Variants in PIEZO2 observed in about 807,000 individuals in gnomAD.
The protein encoded by PIEZO2 is piezo-type mechanosensitive ion channel component 2.
A neutral mutation model predicts 337.3 loss-of-function variants in PIEZO2; 172 were observed. The ratio of observed to expected loss-of-function variants is 0.51; its 90% CI spans 0.45 to 0.58. The LOEUF (loss-of-function observed/expected upper bound fraction) is 0.58. Ranked by LOEUF, PIEZO2 falls within the 20% of genes least tolerant of loss-of-function variation. The probability of loss-of-function intolerance (pLI) is 0.00; values close to 1 mark genes in which losing one functional copy is unlikely to be tolerated. For synonymous variants in PIEZO2, 1,251 were observed against 1,228.5 expected, an observed-to-expected ratio of 1.02 and a Z score of -0.38; for missense variants, 3,028 against 3,391.3, an observed-to-expected ratio of 0.89 and a Z score of 2.66.
chr18:10,885,407 G>A (rs548924138), intron 4 of PIEZO2, among the ~76,000 whole-genome samples: 3 of 152,150 alleles, frequency 2.0e-5, no homozygotes, highest in Non-Finnish European at 4.4e-5. Flanking sequence ...CTGGACGACA[G>A]AGCGAGACTC....
intron 1 of PIEZO2, among the ~76,000 whole-genome samples, chr18:11,086,352 C>T (rs1294473706): frequency 6.6e-6 from 1 of 151,898 alleles, no homozygotes; most frequent in Non-Finnish European, 1.5e-5. Context: ...AACCCCGTCT[C>T]GACTAAAAAT....
chr18:10,912,719 T>C (rs1227353906), intron 3 of PIEZO2, among the ~76,000 whole-genome samples: 2 of 152,216 alleles, frequency 1.3e-5, no homozygotes, highest in Admixed American at 6.5e-5. Context: ...CCAGGGCCAA[T>C]TCTCTGGACT....
Position 10,696,197 on chromosome 18 carries a change from G to T in PIEZO2, c.7067C>A (p.Thr2356Asn), listed in dbSNP as rs778860783. 6.2e-7 allele frequency: 1 copy of T among 1,614,010 alleles called. No individual in the cohort carries two copies. Among genetic ancestry groups the T allele is most frequent in the Non-Finnish European group, 8.5e-7 (1 of 1,179,838 alleles). Residue 2356 changes from threonine (T) to asparagine (N), a missense_variant, in exon 47 of 56, where the codon ACC becomes AAC. Around this residue, in one of 5 missense-constraint regions of PIEZO2, gnomAD observed 179 missense variants for 281.8 expected, o/e 0.64. Coordinates refer to ENST00000674853, the MANE Select transcript of PIEZO2 (RefSeq NM_001378183.1). ...GTAGAGGGCTCGGTCCACCACCATG[G>T]TTCCAAACTGAATGAGGACCATCAC... ...FLVMVLIQFG[T>N]MVVDRALYLR...
intron 4 of PIEZO2, among the ~76,000 whole-genome samples, chr18:10,889,744 T>G (rs1295234244): frequency 6.6e-6 from 1 of 152,176 alleles, no homozygotes; most frequent in African/African-American, 2.4e-5. Flanking sequence ...CAAGGAGGTG[T>G]CAGGTAGGGT....
Position 10,888,764 on chromosome 18 carries a change from T to A in PIEZO2, c.330-17349A>T, listed in dbSNP as rs1039681457. On this transcript the variant is annotated intron_variant, in intron 4 of 55. Transcript: ENST00000674853. The surrounding 1 kb of genome is among the most constrained non-coding windows in gnomAD (Gnocchi z 4.1). The stretch of plus-strand genomic sequence containing the variant: ...TTAATATATTTAGTTAAGTTCCCCA[T>A]CAGTGATTTGTTTAATGTAACTAAT... Among the ~76,000 whole-genome samples the A allele has an allele frequency of 4.6e-5, 7 of 151,940 alleles. No individual in the cohort carries two copies. The highest frequency in any genetic ancestry group is 8.8e-5 in the Non-Finnish European group (6 of 67,956).
intron 3 of PIEZO2, among the ~76,000 whole-genome samples, chr18:10,960,033 A>C (rs948590748): frequency 1.3e-5 from 2 of 152,162 alleles, no homozygotes; most frequent in Admixed American, 6.5e-5. Flanking sequence ...TATTTGTACA[A>C]GTCCACAAAT....
chr18:11,113,396 G>T (rs1228896890), intron 1 of PIEZO2, among the ~76,000 whole-genome samples: 1 of 152,120 alleles, frequency 6.6e-6, no homozygotes, highest in African/African-American at 2.4e-5. Flanking sequence ...CTTTAATCAG[G>T]ACCTTGACTC....
intron 11 of PIEZO2, among the ~76,000 whole-genome samples, chr18:10,799,622 C>A (rs188073334): frequency 2.0e-4 from 30 of 152,212 alleles, no homozygotes; most frequent in African/African-American, 7.0e-4. Context: ...AGACAAAAAG[C>A]CTTGCAAAAG....
intron 2 of PIEZO2, among the ~76,000 whole-genome samples, chr18:11,044,186 AATATAAT>A (rs543276046): frequency 6.0e-5 from 9 of 149,504 alleles, no homozygotes; most frequent in African/African-American, 2.2e-4. Context: ...CACACACACT[AATATAAT>A]ATATATTATA....
At position 11,116,588 on chromosome 18, in the gene PIEZO2, G is replaced by C. The variant is rs960936991; in HGVS notation, c.64+31937C>G. On this transcript the variant is annotated intron_variant, in intron 1 of 55. Transcript: ENST00000674853. The surrounding 1 kb of genome is among the most constrained non-coding windows in gnomAD (Gnocchi z 5.0). Reference sequence around the variant, plus strand: ...AAATTAGCCGGGCGTGGTGGCGGGGGGCCTGTAGTCCCAGCTACTCGGGAG... The same window carrying C: ...AAATTAGCCGGGCGTGGTGGCGGGGCGCCTGTAGTCCCAGCTACTCGGGAG... Among the ~76,000 whole-genome samples the C allele has an allele frequency of 4.5e-3, 683 of 152,010 alleles. 3 individuals carry two copies. The highest frequency in any genetic ancestry group is 0.015 in the African/African-American group (637 of 41,478).
intron 3 of PIEZO2, among the ~76,000 whole-genome samples, chr18:10,976,626 CA>C (rs997176850): frequency 6.6e-6 from 1 of 151,054 alleles, no homozygotes; most frequent in African/African-American, 2.4e-5. Flanking sequence ...CTGGGGATAG[CA>C]AAAAAAAGGA....
intron 12 of PIEZO2, among the ~76,000 whole-genome samples, chr18:10,796,888 A>G (rs2039618402): frequency 6.6e-6 from 1 of 152,336 alleles, no homozygotes; most frequent in East Asian, 1.9e-4. Flanking sequence ...CCATCATATC[A>G]TACATACCAT....
chr18:10,972,202 G>GAA (rs2034271531), intron 3 of PIEZO2, among the ~76,000 whole-genome samples: 5 of 149,196 alleles, frequency 3.4e-5, no homozygotes, highest in Non-Finnish European at 3.0e-5. Context: ...GAGAGAGAGA[G>GAA]ATAATAGCAG....
At position 11,140,957 on chromosome 18, in the gene PIEZO2, A is replaced by G. The variant is rs62085275; in HGVS notation, c.64+7568T>C. Among the ~76,000 whole-genome samples the G allele has an allele frequency of 7.5e-3, 1,137 of 152,298 alleles. 10 individuals are homozygous for G. The highest frequency in any genetic ancestry group is 0.013 in the Non-Finnish European group (864 of 68,028). On this transcript the variant is annotated intron_variant, in intron 1 of 55. Coordinates refer to ENST00000674853, the MANE Select transcript of PIEZO2 (RefSeq NM_001378183.1). Reference sequence around the variant, plus strand: ...ACCTCCAGCCTTCAGCTTGATGTGGACATGGTAACAGGCTGTCTTGACCCA... The same window carrying G: ...ACCTCCAGCCTTCAGCTTGATGTGGGCATGGTAACAGGCTGTCTTGACCCA...
At chr18:10,906,893 C>A (rs2029990594) in intron 4 of PIEZO2, among the ~76,000 whole-genome samples, 2 of 152,046 alleles carry the variant, frequency 1.3e-5, no homozygotes, top group African/African-American at 2.4e-5. Flanking sequence ...CTTTTGTCGC[C>A]TTCCTGAGCC....
At position 10,713,496 on chromosome 18, in the gene PIEZO2, C is replaced by G. The variant is rs16975286; in HGVS notation, c.5423+1268G>C. 7.3e-3 allele frequency among the ~76,000 whole-genome samples: 1,114 copies of G among 152,240 alleles called. 19 individuals carry two copies. Among genetic ancestry groups the G allele is most frequent in the African/African-American group, 0.024 (996 of 41,536 alleles). ...ATCCAGCATTTGTGAAGGACAAATACTTTTCCAGGTCATTAGTGCCTCGCT... is the reference window on the plus strand; with the variant it reads ...ATCCAGCATTTGTGAAGGACAAATAGTTTTCCAGGTCATTAGTGCCTCGCT... On this transcript the variant is annotated intron_variant, in intron 39 of 55. Transcript: ENST00000674853. This position sits in a 1 kb window ranked among gnomAD's most constrained non-coding sequence, Gnocchi z 4.5.
intron 2 of PIEZO2, among the ~76,000 whole-genome samples, chr18:11,043,160 T>C (rs1203187390): frequency 6.6e-6 from 1 of 152,112 alleles, no homozygotes; most frequent in Non-Finnish European, 1.5e-5. Context: ...GACTGGAGTC[T>C]ACAAATGCTT....
chr18:11,130,139 G>A (rs191666547), intron 1 of PIEZO2, among the ~76,000 whole-genome samples: 2 of 152,306 alleles, frequency 1.3e-5, no homozygotes, highest in Non-Finnish European at 2.9e-5. Flanking sequence ...CAAGGACTTG[G>A]AAGATGCAGA....
intron 3 of PIEZO2, among the ~76,000 whole-genome samples, chr18:10,927,985 T>A (rs773987023): frequency 2.0e-5 from 3 of 152,188 alleles, no homozygotes; most frequent in African/African-American, 7.2e-5. Flanking sequence ...GTATTTAGAC[T>A]AAGGAAGATT....
Sources: gnomAD v4.1 joint callset for allele counts (sites outside exome capture counted in the v4.1 genomes callset) on GRCh38, gnomAD v4.1.1 for gene constraint, gnomAD v4.1.1 regional missense constraint, Gnocchi (gnomAD v3.1) non-coding constraint, MANE v1.5 for transcripts, NCBI Gene and HGNC (gene_info 2026-07-23, HGNC 2026-07-21) for gene names.